MYZAP: variants seen among roughly 807,000 people sequenced by gnomAD.
MYZAP encodes the protein GRINL1A complex locus upstream.
MYZAP carries 66 observed loss-of-function variants against 69.4 expected under a neutral mutation model. The ratio of observed to expected loss-of-function variants is 0.95; its 90% CI spans 0.78 to 1.17. The LOEUF (loss-of-function observed/expected upper bound fraction) is 1.17. Ranked by LOEUF, MYZAP falls within the 50% of genes most tolerant of loss-of-function variation. The pLI is 0.00. For missense variants in MYZAP, 611 were observed against 556.2 expected, an observed-to-expected ratio of 1.10 and a Z score of -0.99; for synonymous variants, 256 against 205.9, an observed-to-expected ratio of 1.24 and a Z score of -2.09.
intron 12 of MYZAP, among the ~76,000 whole-genome samples, chr15:57,675,399 G>C (rs1487304618): frequency 6.6e-6 from 1 of 152,134 alleles, no homozygotes; most frequent in Non-Finnish European, 1.5e-5. Context: ...TTATGACACA[G>C]AGAGGAGTGA....
intron 1 of MYZAP, among the ~76,000 whole-genome samples, chr15:57,597,494 C>T (rs2034137658): frequency 6.6e-6 from 1 of 152,266 alleles, no homozygotes; most frequent in Middle Eastern, 3.4e-3. Flanking sequence ...TCCCTTGAGC[C>T]TTGTGGGATG....
At chr15:57,659,106 T>C (rs2038150348) in intron 10 of MYZAP, among the ~76,000 whole-genome samples, 1 of 152,218 alleles carries the variant, frequency 6.6e-6, no homozygotes, top group Non-Finnish European at 1.5e-5. Flanking sequence ...AGTCATGTTC[T>C]TTAATATCTT....
Position 57,632,691 on chromosome 15 carries a change from A to G in MYZAP, c.804+132A>G, listed in dbSNP as rs895285159. Reference sequence around the variant, plus strand: ...TCAGCCATGGGTAAGGGATCAAGGAATTATTCATCTGCTCATTCACTCCCC... The same window carrying G: ...TCAGCCATGGGTAAGGGATCAAGGAGTTATTCATCTGCTCATTCACTCCCC... On this transcript the variant is annotated intron_variant, in intron 7 of 12. Coordinates refer to ENST00000267853, the MANE Select transcript of MYZAP (RefSeq NM_001018100.5). 4.3e-5 allele frequency: 61 copies of G among 1,424,706 alleles called. No individual in the cohort carries two copies. The East Asian group carries it at 1.1e-3, about 27-fold the overall frequency. 88.3% of individuals were successfully genotyped at this position (1,424,706 alleles called of 1,614,324 possible). A position where few individuals can be genotyped will look rare whatever the true frequency, so the allele number is the denominator to read the frequency against.
intron 1 of MYZAP, 113 bp downstream of exon 1, chr15:57,592,222 C>A: frequency 3.0e-6 from 3 of 1,002,432 alleles, no homozygotes; most frequent in East Asian, 3.4e-5. Context: ...CCCGACGCCC[C>A]ACCCTGGGCT....
In MYZAP at chr15:57,629,885, A is replaced by G. The variant is rs764542251; in HGVS notation, c.678+31A>G. 3 of 1,600,996 alleles carry G rather than the reference A, an allele frequency of 1.9e-6. No individual in the cohort carries two copies. In the African/African-American group the frequency reaches 4.1e-5, roughly 22 times the overall value. The stretch of plus-strand genomic sequence containing the variant: ...GTATAAAAGCCTAGATTTATTTTCT[A>G]TGAACTTTTCTCCTCTTTACTTCTC... On this transcript the variant is annotated intron_variant, in intron 6 of 12. Coordinates refer to ENST00000267853, the MANE Select transcript of MYZAP (RefSeq NM_001018100.5).
chr15:57,595,791 T>C (rs951004700), intron 1 of MYZAP, among the ~76,000 whole-genome samples: 2 of 152,200 alleles, frequency 1.3e-5, no homozygotes, highest in African/African-American at 4.8e-5. Flanking sequence ...GGTCACAGGA[T>C]AGGACTATCT....
chr15:57,627,414 GGGA>G (rs370079600), intron 5 of MYZAP, among the ~76,000 whole-genome samples: 10,113 of 141,244 alleles, frequency 0.072, 498 homozygotes, highest in Admixed American at 0.1. Context: ...GAGGGGAAGG[GGGA>G]GGAGGAGGAG....
At chr15:57,640,102 C>T (rs2037062663) in intron 10 of MYZAP, among the ~76,000 whole-genome samples, 2 of 152,178 alleles carry the variant, frequency 1.3e-5, no homozygotes, top group Admixed American at 6.5e-5. Context: ...GTCTCTGTAA[C>T]AGGAAACCAA....
At chr15:57,662,895 G>T (rs75614746) in intron 11 of MYZAP, among the ~76,000 whole-genome samples, 16 of 152,184 alleles carry the variant, frequency 1.1e-4, no homozygotes, top group African/African-American at 3.6e-4. Flanking sequence ...ATGGCCCATA[G>T]GGGCCTGGCA....
At chr15:57,630,307 C>G (rs927328902) in intron 6 of MYZAP, among the ~76,000 whole-genome samples, 11 of 151,604 alleles carry the variant, frequency 7.3e-5, no homozygotes, top group Admixed American at 2.6e-4. Flanking sequence ...ATTGGGCATG[C>G]CTTTCTTGGC....
At chr15:57,596,176 A>G (rs1358158607) in intron 1 of MYZAP, among the ~76,000 whole-genome samples, 1 of 152,136 alleles carries the variant, frequency 6.6e-6, no homozygotes, top group Non-Finnish European at 1.5e-5. Flanking sequence ...AGGATATGGA[A>G]TGTGATTTTG....
intron 5 of MYZAP, among the ~76,000 whole-genome samples, chr15:57,629,009 G>A (rs938902659): frequency 2.0e-5 from 3 of 151,306 alleles, no homozygotes; most frequent in African/African-American, 7.3e-5. Context: ...CTTGAACCTG[G>A]GAGGCAGAGG....
chr15:57,645,903 G>A (rs1474752697), intron 10 of MYZAP, among the ~76,000 whole-genome samples: 1 of 152,130 alleles, frequency 6.6e-6, no homozygotes, highest in African/African-American at 2.4e-5. Context: ...TTGCTTCATC[G>A]CAAGTATCTG....
intron 4 of MYZAP, among the ~76,000 whole-genome samples, chr15:57,625,475 T>C (rs1031680521): frequency 6.6e-6 from 1 of 152,194 alleles, no homozygotes; most frequent in South Asian, 2.1e-4. Context: ...TCTGAGCTGT[T>C]TGACAGTGAG....
rs116279597 is a variant in MYZAP, at chr15:57,630,690, T to C, written c.678+836T>C. Among the ~76,000 whole-genome samples the C allele has an allele frequency of 9.7e-3, 1,477 of 152,318 alleles. 27 individuals are homozygous for C. Among genetic ancestry groups the C allele is most frequent in the African/African-American group, 0.034 (1,409 of 41,560 alleles). ...AAATTTAAACTGTGGATAGACTTCC[T>C]ACCCGGTGACAGGAGCAGATCCATG... On this transcript the variant is annotated intron_variant, in intron 6 of 12. Transcript: ENST00000267853.
At chr15:57,654,022 A>AAAAAT in intron 10 of MYZAP, among the ~76,000 whole-genome samples, 1 of 81,444 alleles carries the variant, frequency 1.2e-5, no homozygotes, top group East Asian at 4.2e-4. Context: ...AAAAAAAAAA[A>AAAAAT]AAAAAAAAAA....
Position 57,648,104 on chromosome 15 carries a change from C to T in MYZAP, c.1119+8559C>T, listed in dbSNP as rs183146541. 833 of 873,240 alleles carry T rather than the reference C, an allele frequency of 9.5e-4. 28 individuals carry two copies. In the Admixed American group the frequency reaches 0.15, roughly 160 times the overall value. The allele number at this position is 873,240 out of a possible 1,614,324, so 54.1% of individuals were successfully genotyped here. On this transcript the variant is annotated intron_variant, in intron 10 of 12. Coordinates refer to ENST00000267853, the MANE Select transcript of MYZAP (RefSeq NM_001018100.5). ...TATAGTTTCTAATTCTAGTGTTTAG[C>T]ATGGTATTATTCCTTATTTATTTTA...
intron 2 of MYZAP, among the ~76,000 whole-genome samples, chr15:57,613,807 A>T (rs1183136395): frequency 6.6e-6 from 1 of 152,196 alleles, no homozygotes. Context: ...ATCTACATCC[A>T]CGCTGTATAA....
intron 8 of MYZAP, among the ~76,000 whole-genome samples, chr15:57,635,017 C>T (rs554283101): frequency 3.3e-5 from 5 of 152,128 alleles, no homozygotes; most frequent in East Asian, 1.9e-4. Context: ...TTTTCTGCAG[C>T]GTAAAGAAGC....
Sources: gnomAD v4.1 joint callset for allele counts (sites outside exome capture counted in the v4.1 genomes callset) on GRCh38, gnomAD v4.1.1 for gene constraint, MANE v1.5 for transcripts, NCBI Gene and HGNC (gene_info 2026-07-23, HGNC 2026-07-21) for gene names.